EIPR1: variants seen among roughly 807,000 people sequenced by gnomAD.
EIPR1 encodes the protein EARP and GARP complex-interacting protein 1.
EIPR1 carries 25 observed loss-of-function variants against 48.1 expected under a neutral mutation model. The ratio of observed to expected loss-of-function variants is 0.52; its 90% CI spans 0.38 to 0.73. The LOEUF (loss-of-function observed/expected upper bound fraction) is 0.73. Ranked by LOEUF, EIPR1 falls within the 30% of genes least tolerant of loss-of-function variation. EIPR1 has a pLI of 0.00. For synonymous variants in EIPR1, 204 were observed against 201.9 expected (o/e 1.01, Z -0.09); for missense variants, 415 against 506.2 (o/e 0.82, Z 1.73).
intron 5 of EIPR1, among the ~76,000 whole-genome samples, chr2:3,207,107 A>G (rs1171874674): frequency 6.6e-6 from 1 of 152,112 alleles, no homozygotes; most frequent in African/African-American, 2.4e-5. Flanking sequence ...GAGATCATGT[A>G]TTACAGCTGC....
intron 3 of EIPR1, among the ~76,000 whole-genome samples, chr2:3,334,537 C>A (rs1312482974): frequency 6.6e-6 from 1 of 152,228 alleles, no homozygotes; most frequent in African/African-American, 2.4e-5. Flanking sequence ...TGGCGCCTTG[C>A]CCCACGGGTG....
intron 4 of EIPR1, among the ~76,000 whole-genome samples, chr2:3,244,037 G>C (rs1666722044): frequency 6.6e-6 from 1 of 152,202 alleles, no homozygotes; most frequent in South Asian, 2.1e-4. Context: ...CCTCTCTAAG[G>C]CTGTGACAAC....
intron 1 of EIPR1, among the ~76,000 whole-genome samples, chr2:3,375,592 T>C (rs2103398087): frequency 6.6e-6 from 1 of 152,240 alleles, no homozygotes; most frequent in African/African-American, 2.4e-5. Context: ...TCCCTGTGTA[T>C]CCCTATGTGT....
intron 6 of EIPR1, 59 bp downstream of exon 6, chr2:3,196,822 C>T (rs762187273): frequency 3.9e-5 from 62 of 1,592,314 alleles, no homozygotes; most frequent in African/African-American, 1.7e-4. Flanking sequence ...ACCATCATCC[C>T]GGTTCTGCTC....
chr2:3,301,579 G>A (rs771506347), intron 3 of EIPR1: 3 of 152,224 alleles, frequency 2.0e-5, no homozygotes, highest in Admixed American at 6.5e-5. Context: ...TTCTTACTCA[G>A]GTACCCACAA....
chr2:3,233,673 A>C (rs2694088), intron 4 of EIPR1, among the ~76,000 whole-genome samples: 17 of 152,282 alleles, frequency 1.1e-4, no homozygotes, highest in African/African-American at 4.1e-4. Flanking sequence ...CTTCTCACAC[A>C]TCTGTGAATT....
At chr2:3,200,387 G>C (rs150304480) in intron 5 of EIPR1, among the ~76,000 whole-genome samples, 8 of 152,182 alleles carry the variant, frequency 5.3e-5, no homozygotes, top group Non-Finnish European at 8.8e-5. Flanking sequence ...TTTGTTTTAC[G>C]ATATCCCTGG....
chr2:3,337,754 A>C (rs1161151750), intron 3 of EIPR1, among the ~76,000 whole-genome samples: 1 of 152,172 alleles, frequency 6.6e-6, no homozygotes, highest in African/African-American at 2.4e-5. Context: ...GCCTCACCGG[A>C]AACTCCAGCA....
intron 3 of EIPR1, among the ~76,000 whole-genome samples, chr2:3,311,948 T>C (rs1404830146): frequency 2.6e-5 from 4 of 152,220 alleles, no homozygotes; most frequent in Admixed American, 6.5e-5. Flanking sequence ...TGCGGGAACC[T>C]GGACCTGGCC....
chr2:3,194,696 A>C (rs55995038), intron 6 of EIPR1, among the ~76,000 whole-genome samples: 128,704 of 150,568 alleles, frequency 0.85, 55,497 homozygotes, highest in Middle Eastern at 0.91. Flanking sequence ...AGAGAGAGAA[A>C]GGGGGGGGCA....
At chr2:3,219,889 T>C (rs1024201950) in intron 4 of EIPR1, among the ~76,000 whole-genome samples, 2 of 152,194 alleles carry the variant, frequency 1.3e-5, no homozygotes, top group Non-Finnish European at 2.9e-5. Context: ...ACCCCCAGAC[T>C]GTGGACTGGT....
chr2:3,234,639 C>A (rs1402001104), intron 4 of EIPR1, among the ~76,000 whole-genome samples: 1 of 152,274 alleles, frequency 6.6e-6, no homozygotes, highest in Admixed American at 6.5e-5. Context: ...GGGTCCCCTG[C>A]AGCCCCTGCG....
chr2:3,228,050 C>G lies in EIPR1; in HGVS notation c.417-13802G>C, dbSNP rs118147959. On this transcript the variant is annotated intron_variant, in intron 4 of 8. Transcript: ENST00000382125. ...CCACACAGAGTGCCCCACTGGGGCA[C>G]AGCCTAGTGAAGCTGTGAGAAGAGG... is the stretch of plus-strand genomic sequence containing the variant. Among the ~76,000 whole-genome samples the G allele has an allele frequency of 9.3e-4, 142 of 152,384 alleles. 4 individuals carry two copies. The East Asian group carries it at 0.023, about 25-fold the overall frequency.
chr2:3,297,527 G>A (rs1400929912), intron 3 of EIPR1, among the ~76,000 whole-genome samples: 2 of 152,262 alleles, frequency 1.3e-5, no homozygotes, highest in African/African-American at 4.8e-5. Flanking sequence ...CTACCTCCCA[G>A]TTCAGCCTCA....
intron 3 of EIPR1, among the ~76,000 whole-genome samples, chr2:3,285,716 C>A (rs1448283102): frequency 9.7e-6 from 1 of 103,282 alleles, no homozygotes; most frequent in African/African-American, 3.9e-5. Context: ...GACCCTCGCA[C>A]GGAGCAGAAG....
At chr2:3,284,138 G>C (rs1403161816) in intron 3 of EIPR1, among the ~76,000 whole-genome samples, 1 of 151,686 alleles carries the variant, frequency 6.6e-6, no homozygotes. Context: ...GGCACATGGA[G>C]ATGGGGCCGG....
At chr2:3,334,732 T>C (rs139327871) in intron 3 of EIPR1, among the ~76,000 whole-genome samples, 184 of 152,376 alleles carry the variant, frequency 1.2e-3, no homozygotes, top group African/African-American at 4.3e-3. Context: ...AGTTCTGCTA[T>C]GGCAGGAATA....
At chr2:3,297,254 G>A (rs1029507570) in intron 3 of EIPR1, among the ~76,000 whole-genome samples, 1 of 152,230 alleles carries the variant, frequency 6.6e-6, no homozygotes, top group Non-Finnish European at 1.5e-5. Context: ...GGGTGGGGGC[G>A]AGGAAAGGCT....
intron 5 of EIPR1, among the ~76,000 whole-genome samples, chr2:3,212,716 C>T (rs1387584109): frequency 1.3e-5 from 2 of 152,104 alleles, no homozygotes; most frequent in African/African-American, 4.8e-5. Context: ...GTGTGGTCCA[C>T]GGGGGTCAAT....
Sources: gnomAD v4.1 joint callset for allele counts (sites outside exome capture counted in the v4.1 genomes callset) on GRCh38, gnomAD v4.1.1 for gene constraint, MANE v1.5 for transcripts, NCBI Gene and HGNC (gene_info 2026-07-23, HGNC 2026-07-21) for gene names.